The following CNOT6L variants were observed in gnomAD, a reference collection of about 807,000 sequenced individuals.
The protein encoded by CNOT6L is CCR4-NOT transcription complex subunit 6-like.
Under a neutral mutation model 64.0 loss-of-function variants are expected in CNOT6L, and 7 were observed. The observed-to-expected ratio is 0.11, with a 90% CI of 0.06 to 0.21. The LOEUF (loss-of-function observed/expected upper bound fraction) is 0.21, where lower values mean the gene tolerates loss of function less well. CNOT6L is among the 10% of genes least tolerant of loss of function. The pLI is 1.00. For synonymous variants in CNOT6L, 193 were observed against 243.4 expected, an observed-to-expected ratio of 0.79 and a Z score of 1.93; for missense variants, 245 against 669.0, an observed-to-expected ratio of 0.37 and a Z score of 6.99.
intron 1 of CNOT6L, among the ~76,000 whole-genome samples, chr4:77,777,854 A>T (rs1375257524): frequency 6.6e-6 from 1 of 152,238 alleles, no homozygotes; most frequent in Non-Finnish European, 1.5e-5. Context: ...AAGCTAGTTT[A>T]TAAGAATGCA....
rs114283568 is a variant in CNOT6L at position 77,783,982 on chromosome 4, C to T, written c.6-7590G>A. On this transcript the variant is annotated intron_variant, in intron 1 of 11. Coordinates refer to ENST00000504123, the MANE Select transcript of CNOT6L (RefSeq NM_144571.3). ...AAATAAAATGCATAGGCATATGTGG[C>T]AATAAAGTCCCTAGATGAATATGAG... 1.0e-3 allele frequency among the ~76,000 whole-genome samples: 152 copies of T among 151,404 alleles called. 1 individual carries two copies. The highest frequency in any genetic ancestry group is 3.4e-3 in the African/African-American group (142 of 41,318).
intron 8 of CNOT6L, among the ~76,000 whole-genome samples, chr4:77,740,274 G>A (rs1386895139): frequency 6.6e-6 from 1 of 151,950 alleles, no homozygotes; most frequent in African/African-American, 2.4e-5. Flanking sequence ...AGGGTGCTGA[G>A]GTGACAGAAT....
At chr4:77,810,110 T>C (rs558829809) in intron 1 of CNOT6L, among the ~76,000 whole-genome samples, 1 of 152,122 alleles carries the variant, frequency 6.6e-6, no homozygotes, top group Admixed American at 6.5e-5. Flanking sequence ...CTATTACCAC[T>C]TTCCAATTTC....
In CNOT6L at chr4:77,716,501, G is replaced by T. The variant is rs1720762341; in HGVS notation, c.*3930C>A. 1 of 152,060 alleles carries T rather than the reference G, an allele frequency of 6.6e-6. No individual in the cohort carries two copies. The highest frequency in any genetic ancestry group is 2.4e-5 in the African/African-American group (1 of 41,430). The allele number at this position is 152,060 out of a possible 1,614,324, so 9.4% of individuals were successfully genotyped here. On this transcript the variant is annotated 3_prime_UTR_variant, in exon 12 of 12. Transcript: ENST00000504123. The stretch of plus-strand genomic sequence containing the variant: ...CATACTAAAAGTATAGATGGCATTA[G>T]TGATTTTTAGAAACGCTTGGAAATG...
intron 1 of CNOT6L, among the ~76,000 whole-genome samples, chr4:77,789,659 CA>C (rs542827344): frequency 9.1e-5 from 13 of 142,172 alleles, no homozygotes; most frequent in East Asian, 2.0e-4. Context: ...AACCCCGCCT[CA>C]AAAAAAAAAG....
At position 77,774,595 on chromosome 4, in the gene CNOT6L, G is replaced by A. The variant is rs770499343; in HGVS notation, c.249C>T (p.Tyr83=). Residue 83 remains tyrosine, a synonymous_variant, in exon 3 of 12, where the codon TAC becomes TAT. Coordinates refer to ENST00000504123, the MANE Select transcript of CNOT6L (RefSeq NM_144571.3). ...PDIAKLHNLV[Y]LDLSSNKLRS... ...TGAGTTTATTGGATGACAGATCCAG[G>A]TAAACCAGATTATGAAGCTTGGCAA... 4 of 1,613,606 alleles carry A rather than the reference G, an allele frequency of 2.5e-6. No homozygotes were observed. Among genetic ancestry groups the A allele is most frequent in the South Asian group, 2.2e-5 (2 of 91,046 alleles).
intron 1 of CNOT6L, among the ~76,000 whole-genome samples, chr4:77,805,924 T>C (rs1359414594): frequency 6.6e-6 from 1 of 152,226 alleles, no homozygotes; most frequent in African/African-American, 2.4e-5. Context: ...ATCACTCCAA[T>C]AGAATTCACA....
chr4:77,743,756 C>T (rs1723874507), intron 7 of CNOT6L, among the ~76,000 whole-genome samples: 1 of 151,816 alleles, frequency 6.6e-6, no homozygotes, highest in South Asian at 2.1e-4. Flanking sequence ...TGCACGCCAC[C>T]TTGCCTGGCT....
rs980296049 is a variant in CNOT6L at position 77,716,272 on chromosome 4, A to G, written c.*4159T>C. The stretch of plus-strand genomic sequence containing the variant: ...AACCATTATTTTCCAAAAACTGGTC[A>G]GCATATTTTGCAAAGCTATTAAAAT... On this transcript the variant is annotated 3_prime_UTR_variant, in exon 12 of 12. Transcript: ENST00000504123. 1 of 152,152 alleles carries G rather than the reference A, an allele frequency of 6.6e-6. No individual in the cohort carries two copies. Among genetic ancestry groups the G allele is most frequent in the African/African-American group, 2.4e-5 (1 of 41,454 alleles). The allele number at this position is 152,152 out of a possible 1,614,324, so 9.4% of individuals were successfully genotyped here.
In CNOT6L at chr4:77,716,353, A is replaced by G. The variant is rs1720746416; in HGVS notation, c.*4078T>C. ...TCAAATAAGCATTGGGACACAGTCA[A>G]TTTTATCATTAGAAAATCTAGCCAT... On this transcript the variant is annotated 3_prime_UTR_variant, in exon 12 of 12. Coordinates refer to ENST00000504123, the MANE Select transcript of CNOT6L (RefSeq NM_144571.3). The G allele has an allele frequency of 6.6e-6, 1 of 152,120 alleles. No individual in the cohort carries two copies. The highest frequency in any genetic ancestry group is 2.4e-5 in the African/African-American group (1 of 41,458). 9.4% of individuals were successfully genotyped at this position (152,120 alleles called of 1,614,324 possible). A position where few individuals can be genotyped will look rare whatever the true frequency, so the allele number is the denominator to read the frequency against.
At chr4:77,804,353 T>C (rs1731971823) in intron 1 of CNOT6L, among the ~76,000 whole-genome samples, 1 of 149,900 alleles carries the variant, frequency 6.7e-6, no homozygotes, top group Non-Finnish European at 1.5e-5. Flanking sequence ...TGCTTGAACC[T>C]GGGAGGCGGA....
intron 3 of CNOT6L, among the ~76,000 whole-genome samples, chr4:77,773,719 T>G (rs1476895772): frequency 6.6e-6 from 1 of 151,880 alleles, no homozygotes; most frequent in East Asian, 1.9e-4. Flanking sequence ...TGAAGTATAT[T>G]AAAGAAGACA....
intron 9 of CNOT6L, 135 bp downstream of exon 9, chr4:77,731,252 G>T: frequency 1.4e-6 from 1 of 714,914 alleles, no homozygotes; most frequent in Non-Finnish European, 2.3e-6. Context: ...CTATTTTCCT[G>T]CCCATCTCCC....
intron 8 of CNOT6L, among the ~76,000 whole-genome samples, chr4:77,737,406 C>CTTTTTTTTTTTTTTTT (rs56952956): frequency 1.2e-5 from 1 of 82,372 alleles, no homozygotes; most frequent in African/African-American, 4.7e-5. Flanking sequence ...TTGTACCGTT[C>CTTTTTTTTTTTTTTTT]TTTTTTTTTT....
At chr4:77,779,798 A>T (rs1017976759) in intron 1 of CNOT6L, among the ~76,000 whole-genome samples, 2 of 151,792 alleles carry the variant, frequency 1.3e-5, no homozygotes, top group African/African-American at 4.8e-5. Flanking sequence ...CGTCTCTACC[A>T]AAAAAAATAC....
intron 10 of CNOT6L, among the ~76,000 whole-genome samples, chr4:77,727,226 A>G (rs991334251): frequency 2.0e-5 from 3 of 152,128 alleles, no homozygotes; most frequent in African/African-American, 7.2e-5. Flanking sequence ...TAAATCTCAC[A>G]ATTCTATGAA....
chr4:77,806,320 G>A (rs1246985592), intron 1 of CNOT6L, among the ~76,000 whole-genome samples: 2 of 152,080 alleles, frequency 1.3e-5, no homozygotes, highest in Non-Finnish European at 2.9e-5. Context: ...AGGTACTCAG[G>A]AGGCTGAGAC....
rs906247242 is a variant in CNOT6L, at chr4:77,786,500, G to A, written c.6-10108C>T. Among the ~76,000 whole-genome samples, 4 of 152,180 alleles carry A rather than the reference G, an allele frequency of 2.6e-5. No homozygotes were observed. The South Asian group carries it at 8.3e-4, about 32-fold the overall frequency. ...AAAAAAAAATTTTTTTTGAGACAGG[G>A]TCTTACTCTGTCACTCAGGCTGGAG... On this transcript the variant is annotated intron_variant, in intron 1 of 11. Coordinates refer to ENST00000504123, the MANE Select transcript of CNOT6L (RefSeq NM_144571.3).
At chr4:77,738,089 A>G (rs1723178325) in intron 8 of CNOT6L, among the ~76,000 whole-genome samples, 1 of 152,140 alleles carries the variant, frequency 6.6e-6, no homozygotes, top group Non-Finnish European at 1.5e-5. Context: ...GAAGAAAAAA[A>G]AGCAAGGACT....
Sources: gnomAD v4.1 joint callset for allele counts (sites outside exome capture counted in the v4.1 genomes callset) on GRCh38, gnomAD v4.1.1 for gene constraint, MANE v1.5 for transcripts, NCBI Gene and HGNC (gene_info 2026-07-23, HGNC 2026-07-21) for gene names.